The following LRCH2 variants were observed in gnomAD, a reference collection of about 807,000 sequenced individuals.
LRCH2 encodes leucine rich repeats and calponin homology domain containing 2.
LRCH2 carries 38 observed loss-of-function variants against 68.9 expected under a neutral mutation model. The ratio of observed to expected loss-of-function variants is 0.55; its 90% CI spans 0.43 to 0.72. The LOEUF is 0.72. LRCH2 is among the 30% of genes least tolerant of loss of function. The pLI is 0.00. For synonymous variants in LRCH2, 191 were observed against 208.1 expected (o/e 0.92, Z 0.71); for missense variants, 528 against 572.9 (o/e 0.92, Z 0.80).
intron 1 of LRCH2, chrX:115,189,881 C>T (rs1370796673): frequency 1.5e-5 from 17 of 1,162,884 alleles, no homozygotes; most frequent in Non-Finnish European, 2.0e-5. Flanking sequence ...GCCCCGATGC[C>T]CAGGAAGCGC....
intron 11 of LRCH2, among the ~76,000 whole-genome samples, chrX:115,162,799 T>C (rs1556542538): frequency 8.9e-6 from 1 of 111,828 alleles, no homozygotes; most frequent in East Asian, 2.8e-4. Flanking sequence ...ACCATAAACA[T>C]TTATTATTTT....
chrX:115,158,862 AC>A (rs2072495093), intron 11 of LRCH2, among the ~76,000 whole-genome samples: 1 of 111,792 alleles, frequency 8.9e-6, no homozygotes, highest in African/African-American at 3.2e-5. Flanking sequence ...CTAAACATCT[AC>A]TTATTACGCC....
At chrX:115,226,759 G>A (rs2073121690) in intron 1 of LRCH2, among the ~76,000 whole-genome samples, 1 of 111,209 alleles carries the variant, frequency 9.0e-6, no homozygotes, top group African/African-American at 3.3e-5. Flanking sequence ...GGTGAATAAC[G>A]AGAGTTCATT....
chrX:115,137,285 A>G (rs982186685), intron 14 of LRCH2, among the ~76,000 whole-genome samples: 15 of 110,790 alleles, frequency 1.4e-4, no homozygotes, highest in African/African-American at 4.9e-4. Flanking sequence ...CGATGCATAT[A>G]TTAGGGCTGA....
At position 115,213,913 on chromosome X, in the gene LRCH2, T is replaced by C. The variant is rs369125807; in HGVS notation, c.349+19780A>G. The stretch of plus-strand genomic sequence containing the variant: ...TAAAATCCCTAGAAGAAATAATCAA[T>C]AGAAATGAAGGGAAAATTGTCAACT... On this transcript the variant is annotated intron_variant, in intron 1 of 20. Transcript: ENST00000317135. Among the ~76,000 whole-genome samples the C allele has an allele frequency of 7.7e-4, 86 of 111,702 alleles. No individual in the cohort carries two copies. In the South Asian group the frequency reaches 0.03, roughly 39 times the overall value.
At chrX:115,200,833 C>T (rs781859522) in intron 1 of LRCH2, among the ~76,000 whole-genome samples, 2 of 110,862 alleles carry the variant, frequency 1.8e-5, no homozygotes, top group East Asian at 2.8e-4. Flanking sequence ...CAAAACTGGA[C>T]GAGGACACAA....
In LRCH2 at chrX:115,158,573, C is replaced by T. The variant is rs782121628; in HGVS notation, c.1464-1906G>A. Among the ~76,000 whole-genome samples, 9 of 112,002 alleles carry T rather than the reference C, an allele frequency of 8.0e-5. No individual in the cohort carries two copies. In the South Asian group the frequency reaches 3.3e-3, roughly 41 times the overall value. Reference sequence around the variant, plus strand: ...TTGCTTTCCATGATCCTTAATTATACTTTAATTATAACTTTTCATAATTGC... The same window carrying T: ...TTGCTTTCCATGATCCTTAATTATATTTTAATTATAACTTTTCATAATTGC... On this transcript the variant is annotated intron_variant, in intron 11 of 20. Coordinates refer to ENST00000317135, the MANE Select transcript of LRCH2 (RefSeq NM_020871.4).
At chrX:115,189,426 C>T in intron 1 of LRCH2, 1 of 1,157,964 alleles carries the variant, frequency 8.6e-7, no homozygotes, top group Non-Finnish European at 1.2e-6. Context: ...TCTGACCCAC[C>T]ATTCGGCAGG....
intron 1 of LRCH2, chrX:115,191,655 CG>C (rs2072825112): frequency 7.8e-6 from 9 of 1,158,481 alleles, no homozygotes; most frequent in Non-Finnish European, 9.2e-6. Context: ...CCAGCCAGAG[CG>C]ACCACTATGG....
chrX:115,231,852 A>G lies in LRCH2; in HGVS notation c.349+1841T>C, dbSNP rs781900331. Among the ~76,000 whole-genome samples, 7 of 112,268 alleles carry G rather than the reference A, an allele frequency of 6.2e-5. No homozygotes were observed. The South Asian group carries it at 2.6e-3, about 42-fold the overall frequency. ...TCTTCTCAGGGATAGCAAGACAGAA[A>G]CATAAAAAGAAAATAAAACCAGCAC... is the stretch of plus-strand genomic sequence containing the variant. On this transcript the variant is annotated intron_variant, in intron 1 of 20. Coordinates refer to ENST00000317135, the MANE Select transcript of LRCH2 (RefSeq NM_020871.4).
intron 5 of LRCH2, among the ~76,000 whole-genome samples, chrX:115,174,376 C>T (rs1400834821): frequency 1.8e-5 from 2 of 110,219 alleles, no homozygotes; most frequent in African/African-American, 3.3e-5. Context: ...CCACACCCCC[C>T]AGCCCCTGGT....
intron 1 of LRCH2, among the ~76,000 whole-genome samples, chrX:115,228,938 T>G (rs2073136368): frequency 9.0e-6 from 1 of 111,349 alleles, no homozygotes; most frequent in African/African-American, 3.3e-5. Flanking sequence ...AGTGAAATTC[T>G]TTTCTAATGG....
In LRCH2 at chrX:115,123,103, C is replaced by T. The variant is rs2072158004; in HGVS notation, c.1939G>A (p.Glu647Lys). Residue 647 changes from glutamate to lysine, a missense_variant, in exon 18 of 21, where the codon GAG becomes AAG. Glu to Lys is a moderately conservative substitution (Grantham distance 56). Transcript: ENST00000317135. The stretch of plus-strand genomic sequence containing the variant: ...ACGTTGCGAAGTTGTCGTATTTGCT[C>T]TCGCTCTTCCCGTAAATGTTCCATC... Reference protein sequence around the residue: ...RKMEHLREEREQIRQLRNNLE... With the variant: ...RKMEHLREERKQIRQLRNNLE... 8.3e-7 allele frequency: 1 copy of T among 1,209,281 alleles called. No individual in the cohort carries two copies. The highest frequency in any genetic ancestry group is 1.8e-5 in the South Asian group (1 of 56,482).
chrX:115,137,326 C>T lies in LRCH2; in HGVS notation c.1696-7127G>A, dbSNP rs899069990. Among the ~76,000 whole-genome samples, 5 of 109,929 alleles carry T rather than the reference C, an allele frequency of 4.5e-5. No homozygotes were observed. In the Admixed American group the frequency reaches 4.9e-4, roughly 11 times the overall value. On this transcript the variant is annotated intron_variant, in intron 14 of 20. Transcript: ENST00000317135. ...AATTAGGTGATGGGAATGAGGGCAT[C>T]CAAACAATTAGAAACACAGATTTAG...
chrX:115,132,672 A>G (rs889513393), intron 14 of LRCH2, among the ~76,000 whole-genome samples: 1 of 111,842 alleles, frequency 8.9e-6, no homozygotes, highest in Non-Finnish European at 1.9e-5. Flanking sequence ...TTTCCAGGTG[A>G]TCTCACACAG....
At chrX:115,192,360 G>C (rs2072847047) in intron 1 of LRCH2, 1 of 1,079,072 alleles carries the variant, frequency 9.3e-7, no homozygotes. Flanking sequence ...GTTACGGCCT[G>C]AGCGACCGCT....
At chrX:115,176,772 A>T in intron 5 of LRCH2, among the ~76,000 whole-genome samples, 1 of 100,604 alleles carries the variant, frequency 9.9e-6, no homozygotes, top group Non-Finnish European at 2.0e-5. Flanking sequence ...TTTGAGACAG[A>T]GTCTCACTCT....
rs782143422 is a variant in LRCH2, at chrX:115,192,620, G to C, written c.350-4250C>G. On this transcript the variant is annotated intron_variant, in intron 1 of 20. Transcript: ENST00000317135. ...GGCCGTCAAGGAGGCCGCTTCGAGA[G>C]GGGGGAAGGCCGGAGCAGATACTAA... The C allele has an allele frequency of 6.8e-6, 8 of 1,168,817 alleles. No individual in the cohort carries two copies. The highest frequency in any genetic ancestry group is 5.1e-5 in the Admixed American group (2 of 39,018).
At chrX:115,227,433 T>C (rs1238669633) in intron 1 of LRCH2, among the ~76,000 whole-genome samples, 1 of 110,070 alleles carries the variant, frequency 9.1e-6, no homozygotes, top group Non-Finnish European at 1.9e-5. Flanking sequence ...CATTATGAAA[T>C]CATTAACTCA....
Sources: gnomAD v4.1 joint callset for allele counts (sites outside exome capture counted in the v4.1 genomes callset) on GRCh38, gnomAD v4.1.1 for gene constraint, MANE v1.5 for transcripts, NCBI Gene and HGNC (gene_info 2026-07-23, HGNC 2026-07-21) for gene names.